The following ANO1 variants were observed in gnomAD, a reference collection of about 807,000 sequenced individuals.
The protein encoded by ANO1 is anoctamin 1.
ANO1 carries 59 observed loss-of-function variants against 124.0 expected under a neutral mutation model. The observed-to-expected ratio is 0.48, with a 90% CI of 0.39 to 0.59. The LOEUF is 0.59. ANO1 is among the 20% of genes least tolerant of loss of function. The probability of loss-of-function intolerance (pLI) is 0.00; values close to 1 mark genes in which losing one functional copy is unlikely to be tolerated. For missense variants in ANO1, 1,059 were observed against 1,328.0 expected, an observed-to-expected ratio of 0.80 and a Z score of 3.15; for synonymous variants, 529 against 532.0, an observed-to-expected ratio of 0.99 and a Z score of 0.08.
At chr11:70,000,734 G>C (rs2015411) in intron 1 of ANO1, among the ~76,000 whole-genome samples, 1 of 151,700 alleles carries the variant, frequency 6.6e-6, no homozygotes, top group Non-Finnish European at 1.5e-5. Context: ...ATGATAGCCC[G>C]CAACTGGAAG....
At chr11:70,011,828 C>T (rs1012741474) in intron 1 of ANO1, among the ~76,000 whole-genome samples, 5 of 152,312 alleles carry the variant, frequency 3.3e-5, no homozygotes, top group East Asian at 1.9e-4. Flanking sequence ...ATAGCAAAGT[C>T]GTTGTAAATA....
At chr11:70,148,359 A>T (rs947546568) in intron 11 of ANO1, among the ~76,000 whole-genome samples, 2 of 151,926 alleles carry the variant, frequency 1.3e-5, no homozygotes, top group Non-Finnish European at 2.9e-5. Context: ...CCTCACTGAT[A>T]CTCCCAGTCT....
At chr11:70,071,619 CTT>C (rs34283884) in intron 1 of ANO1, among the ~76,000 whole-genome samples, 232 of 149,808 alleles carry the variant, frequency 1.5e-3, no homozygotes, top group African/African-American at 4.9e-3. Context: ...TGATTAATAA[CTT>C]TTTTTTTTTT....
chr11:69,987,241 G>T (rs1196296365), intron 1 of ANO1, among the ~76,000 whole-genome samples: 1 of 152,174 alleles, frequency 6.6e-6, no homozygotes, highest in Non-Finnish European at 1.5e-5. Flanking sequence ...GTGCGGCCAG[G>T]CTGTCCTGCC....
intron 2 of ANO1, among the ~76,000 whole-genome samples, chr11:70,092,702 G>A (rs963063583): frequency 1.3e-5 from 2 of 152,282 alleles, no homozygotes; most frequent in African/African-American, 4.8e-5. Flanking sequence ...CTTCCCCAGA[G>A]CAAGACCCCC....
Position 70,035,520 on chromosome 11 carries a change from C to CTATATATATATATATATATATATATATA in ANO1, c.59-43004_59-43003insTATATATATATATATATATATATATATA, listed in dbSNP as rs34200982. ...TAACTGGTAGCCCAGTAAGCTGTTGCTATATATATATATATATACTTTAAG... is the reference window on the plus strand; with the variant it reads ...TAACTGGTAGCCCAGTAAGCTGTTGCTATATATATATATATATATATATATATATATATATATATATATATACTTTAAG... On this transcript the variant is annotated intron_variant, in intron 1 of 27. Coordinates refer to the ANO1 transcript ENST00000531349. Among the ~76,000 whole-genome samples, 182 of 147,538 alleles carry CTATATATATATATATATATATATATATA rather than the reference C, an allele frequency of 1.2e-3. 4 individuals carry two copies. In the East Asian group the frequency reaches 0.015, roughly 12 times the overall value.
chr11:69,991,476 C>T (rs782196547), intron 1 of ANO1, among the ~76,000 whole-genome samples: 4 of 152,260 alleles, frequency 2.6e-5, no homozygotes, highest in South Asian at 4.1e-4. Context: ...TCCTCTGTGA[C>T]CAAATGCAAA....
chr11:69,967,346 G>A, the ANO1 span, among the ~76,000 whole-genome samples: 6 of 152,132 alleles, frequency 3.9e-5, no homozygotes, highest in Admixed American at 1.3e-4. Context: ...GGTATCGCAC[G>A]TTAGCTAGCA....
intron 1 of ANO1, among the ~76,000 whole-genome samples, chr11:70,055,813 G>A (rs924084971): frequency 7.9e-5 from 12 of 151,700 alleles, no homozygotes; most frequent in South Asian, 4.2e-4. Flanking sequence ...CTATTATTTC[G>A]TTAGTTATAC....
At chr11:70,124,459 T>A (rs749743248) in intron 9 of ANO1, 45 bp downstream of exon 9, 5 of 1,574,768 alleles carry the variant, frequency 3.2e-6, no homozygotes, top group Non-Finnish European at 4.4e-6. Context: ...CCTACTCCGA[T>A]GGCAGTCGGA....
At chr11:69,970,311 CCTTGGCCTCAA>C in the ANO1 span, among the ~76,000 whole-genome samples, 1 of 152,162 alleles carries the variant, frequency 6.6e-6, no homozygotes, top group African/African-American at 2.4e-5. Context: ...CCAGCCCCAG[CCTTGGCCTCAA>C]GGGAAGGGTT....
chr11:70,123,426 T>G (rs1318382837), intron 8 of ANO1, among the ~76,000 whole-genome samples: 1 of 152,210 alleles, frequency 6.6e-6, no homozygotes, highest in Non-Finnish European at 1.5e-5. Flanking sequence ...CACGCGAGGC[T>G]ATGTCAGCTG....
intron 1 of ANO1, among the ~76,000 whole-genome samples, chr11:70,021,989 G>A (rs1856818918): frequency 6.6e-6 from 1 of 152,194 alleles, no homozygotes; most frequent in Non-Finnish European, 1.5e-5. Flanking sequence ...GTGCTGCTGT[G>A]TGCTCAGATC....
At chr11:70,099,135 A>G (rs2045145711) in intron 2 of ANO1, among the ~76,000 whole-genome samples, 1 of 152,102 alleles carries the variant, frequency 6.6e-6, no homozygotes, top group African/African-American at 2.4e-5. Context: ...CATGAACCTC[A>G]AAGACCCCAG....
intron 1 of ANO1, among the ~76,000 whole-genome samples, chr11:70,035,763 G>A (rs1456829839): frequency 6.6e-6 from 1 of 152,086 alleles, no homozygotes; most frequent in Non-Finnish European, 1.5e-5. Context: ...TTATGAGTAA[G>A]AACATGCGGT....
rs772422314 is a variant in ANO1 at position 70,116,445 on chromosome 11, C to CT, written c.856-6dup. 2.8e-5 allele frequency: 45 copies of CT among 1,593,454 alleles called. No individual in the cohort carries two copies. The highest frequency in any genetic ancestry group is 1.6e-4 in the Middle Eastern group (1 of 6,070). On this transcript the variant is annotated splice_polypyrimidine_tract_variant and intron_variant, in intron 7 of 25. Coordinates refer to ENST00000355303, the MANE Select transcript of ANO1 (RefSeq NM_018043.7). ...TGGATGATAAGAACGTCCCTTTCCT[C>CT]TTTTTTTAACAGGGAGACTACAACG... is the stretch of plus-strand genomic sequence containing the variant.
At chr11:70,095,248 A>AAAGG (rs71046578) in intron 2 of ANO1, among the ~76,000 whole-genome samples, 512 of 36,968 alleles carry the variant, frequency 0.014, 146 homozygotes, top group Admixed American at 0.042. Flanking sequence ...AAAGAAAAAG[A>AAAGG]AAGGAAGGAA....
At chr11:69,968,444 G>A in the ANO1 span, among the ~76,000 whole-genome samples, 1 of 152,244 alleles carries the variant, frequency 6.6e-6, no homozygotes, top group Non-Finnish European at 1.5e-5. Flanking sequence ...GAAAAGAACG[G>A]ATTTTTATTT....
chr11:70,123,859 C>T (rs567703455), intron 8 of ANO1, among the ~76,000 whole-genome samples: 43 of 152,282 alleles, frequency 2.8e-4, no homozygotes, highest in African/African-American at 9.9e-4. Context: ...ATCCACCAAA[C>T]TCATTACTGT....
Sources: allele counts gnomAD v4.1 joint callset (sites outside exome capture counted in the v4.1 genomes callset), GRCh38; gene constraint gnomAD v4.1.1; transcripts MANE v1.5; gene names NCBI Gene and HGNC (gene_info 2026-07-23, HGNC 2026-07-21).